Variants in DRC11 observed in about 807,000 individuals in gnomAD.
DRC11 encodes IQ and AAA domain-containing protein 1.
At chr2:236,357,170 A>ATATTATGTATTCATATATATCTG in the DRC11 span, among the ~76,000 whole-genome samples, 1 of 82,830 alleles carries the variant, frequency 1.2e-5, no homozygotes, top group Non-Finnish European at 2.4e-5. Flanking sequence ...ATATATATCT[A>ATATTATGTATTCATATATATCTG]TATATTATAT....
chr2:236,399,532 G>A, the DRC11 span: 5 of 1,507,340 alleles, frequency 3.3e-6, no homozygotes, highest in South Asian at 3.4e-5. This position sits in a 1 kb window ranked among gnomAD's most constrained non-coding sequence, Gnocchi z 7.0. Flanking sequence ...GCAAGACCGG[G>A]CAGCAAAAGA....
At chr2:236,499,002 G>C in the DRC11 span, among the ~76,000 whole-genome samples, 3 of 152,198 alleles carry the variant, frequency 2.0e-5, no homozygotes, top group Non-Finnish European at 4.4e-5. The surrounding 1 kb of genome is among the most constrained non-coding windows in gnomAD (Gnocchi z 4.7). Flanking sequence ...AAAAATGTCA[G>C]TATCTCTCTG....
the DRC11 span, chr2:236,507,301 G>T: frequency 6.2e-7 from 1 of 1,613,502 alleles, no homozygotes; most frequent in Non-Finnish European, 8.5e-7. Context: ...CTCGCCCTCC[G>T]GGAAGCTCTT....
the DRC11 span, chr2:236,380,570 T>C: frequency 1.3e-6 from 2 of 1,551,080 alleles, no homozygotes; most frequent in Non-Finnish European, 1.7e-6. This position sits in a 1 kb window ranked among gnomAD's most constrained non-coding sequence, Gnocchi z 4.9. Flanking sequence ...ATTCCTCACC[T>C]GTCAGCTGTC....
At chr2:236,468,208 C>G in the DRC11 span, among the ~76,000 whole-genome samples, 1 of 152,150 alleles carries the variant, frequency 6.6e-6, no homozygotes, top group Non-Finnish European at 1.5e-5. Context: ...CCTCCCACCT[C>G]AGCCTCCCAA....
the DRC11 span, chr2:236,407,749 C>T: frequency 4.6e-5 from 13 of 282,620 alleles, 1 homozygote; most frequent in Middle Eastern, 1.2e-3. Flanking sequence ...TCCTCACTGC[C>T]TCCATCATAG....
chr2:236,441,249 C>A, the DRC11 span: 4 of 681,860 alleles, frequency 5.9e-6, no homozygotes, highest in Non-Finnish European at 1.1e-5. Context: ...CCCTGTAGAT[C>A]AAGGGCTGGG....
chr2:236,458,982 T>C, the DRC11 span, among the ~76,000 whole-genome samples: 1 of 151,904 alleles, frequency 6.6e-6, no homozygotes, highest in South Asian at 2.1e-4. Flanking sequence ...GAGTTGGAGG[T>C]TGTAGTCAGC....
the DRC11 span, among the ~76,000 whole-genome samples, chr2:236,406,350 A>G: frequency 5.6e-3 from 846 of 152,310 alleles, 9 homozygotes; most frequent in African/African-American, 0.019. This position sits in a 1 kb window ranked among gnomAD's most constrained non-coding sequence, Gnocchi z 4.7. Flanking sequence ...AAAATTTTCT[A>G]TTGGTAAATA....
At chr2:236,329,334 A>G in the DRC11 span, among the ~76,000 whole-genome samples, 1 of 152,218 alleles carries the variant, frequency 6.6e-6, no homozygotes, top group Admixed American at 6.5e-5. Flanking sequence ...CCGGCCTACC[A>G]TGCCTGTCCA....
chr2:236,337,874 T>C, the DRC11 span, among the ~76,000 whole-genome samples: 5 of 151,182 alleles, frequency 3.3e-5, no homozygotes, highest in East Asian at 9.7e-4. This position sits in a 1 kb window ranked among gnomAD's most constrained non-coding sequence, Gnocchi z 4.9. Flanking sequence ...ACCATCACCA[T>C]GGGTGCAAGG....
At chr2:236,440,938 G>A in the DRC11 span, 2 of 693,486 alleles carry the variant, frequency 2.9e-6, no homozygotes, top group Non-Finnish European at 4.9e-6. Flanking sequence ...ATATTTGTAG[G>A]AAAATAACCA....
chr2:236,498,461 TAA>T, the DRC11 span, among the ~76,000 whole-genome samples: 2,970 of 126,930 alleles, frequency 0.023, 85 homozygotes, highest in African/African-American at 0.067. Flanking sequence ...GAGACTGTCT[TAA>T]AAAAAAAAAA....
the DRC11 span, among the ~76,000 whole-genome samples, chr2:236,458,059 C>A: frequency 6.6e-6 from 1 of 152,112 alleles, no homozygotes; most frequent in Non-Finnish European, 1.5e-5. Flanking sequence ...GAATACACAT[C>A]TAACATGTCC....
chr2:236,416,759 A>ATATATATATATG, the DRC11 span, among the ~76,000 whole-genome samples: 1 of 90,874 alleles, frequency 1.1e-5, no homozygotes, highest in East Asian at 3.4e-4. Flanking sequence ...ATATATATAT[A>ATATATATATATG]TATATATATA....
At chr2:236,383,643 T>TTTG in the DRC11 span, among the ~76,000 whole-genome samples, 41 of 152,000 alleles carry the variant, frequency 2.7e-4, no homozygotes, top group African/African-American at 9.2e-4. Context: ...ATTTTTTTTT[T>TTTG]TTTTGTTTTG....
At chr2:236,321,611 C>A in the DRC11 span, among the ~76,000 whole-genome samples, 9 of 152,270 alleles carry the variant, frequency 5.9e-5, no homozygotes, top group Admixed American at 1.3e-4. Context: ...GCCCTCTGAT[C>A]CATGGGCAGC....
chr2:236,391,244 T>C, the DRC11 span: 2 of 152,246 alleles, frequency 1.3e-5, no homozygotes, highest in Admixed American at 1.3e-4. The surrounding 1 kb of genome is among the most constrained non-coding windows in gnomAD (Gnocchi z 4.5). Context: ...ACCACATGCA[T>C]GGCCCCTGAT....
chr2:236,445,808 T>C, the DRC11 span, among the ~76,000 whole-genome samples: 1 of 152,204 alleles, frequency 6.6e-6, no homozygotes, highest in Non-Finnish European at 1.5e-5. This position sits in a 1 kb window ranked among gnomAD's most constrained non-coding sequence, Gnocchi z 4.8. Flanking sequence ...ATGTGCCTGA[T>C]AGCTCTTATC....
Sources: allele counts gnomAD v4.1 joint callset (sites outside exome capture counted in the v4.1 genomes callset), GRCh38; gene constraint gnomAD v4.1.1; non-coding constraint Gnocchi (gnomAD v3.1); transcripts MANE v1.5; gene names NCBI Gene and HGNC (gene_info 2026-07-23, HGNC 2026-07-21).